The following TMEM132D variants were observed in gnomAD, a reference collection of about 807,000 sequenced individuals.
TMEM132D encodes the protein transmembrane protein 132D.
In TMEM132D, 21 loss-of-function variants were observed where a neutral mutation model predicts 62.3. The ratio of observed to expected loss-of-function variants is 0.34; its 90% CI spans 0.24 to 0.49. The LOEUF (loss-of-function observed/expected upper bound fraction) is 0.49. Among genes scored for constraint, TMEM132D ranks in the 20% least tolerant of loss-of-function variants. The pLI, the probability that TMEM132D is intolerant of heterozygous loss-of-function variation, is 0.99. For synonymous variants in TMEM132D, 621 were observed against 575.6 expected (o/e 1.08, Z -1.13); for missense variants, 1,346 against 1,402.8 (o/e 0.96, Z 0.65).
chr12:129,132,324 C>A lies in TMEM132D; in HGVS notation c.1444-47622G>T, dbSNP rs74405647. ...ACAAGAATATGGTCCTTAGGCCTTGCAGAATATTTAAATTATGAGCAATCA... is the reference window on the plus strand; with the variant it reads ...ACAAGAATATGGTCCTTAGGCCTTGAAGAATATTTAAATTATGAGCAATCA... On this transcript the variant is annotated intron_variant, in intron 5 of 8. Transcript: ENST00000422113. Among the ~76,000 whole-genome samples the A allele has an allele frequency of 4.9e-3, 752 of 152,184 alleles. 5 individuals carry two copies. Among genetic ancestry groups the A allele is most frequent in the African/African-American group, 0.017 (717 of 41,520 alleles).
intron 3 of TMEM132D, among the ~76,000 whole-genome samples, chr12:129,407,933 T>G (rs1299909616): frequency 6.6e-6 from 1 of 150,746 alleles, no homozygotes; most frequent in Non-Finnish European, 1.5e-5. Context: ...TGACCACAGA[T>G]GGACAGTGGT....
chr12:129,345,912 G>A (rs1045351042), intron 3 of TMEM132D, among the ~76,000 whole-genome samples: 2 of 151,928 alleles, frequency 1.3e-5, no homozygotes, highest in African/African-American at 2.4e-5. Flanking sequence ...TTTTTATTGC[G>A]TCTCTGCCAG....
At chr12:129,552,777 C>T (rs181429143) in intron 2 of TMEM132D, among the ~76,000 whole-genome samples, 1 of 152,308 alleles carries the variant, frequency 6.6e-6, no homozygotes, top group Admixed American at 6.5e-5. Flanking sequence ...ATCTATCTAG[C>T]TACGTACCTA....
intron 2 of TMEM132D, among the ~76,000 whole-genome samples, chr12:129,652,087 T>G (rs894177748): frequency 6.6e-6 from 1 of 152,192 alleles, no homozygotes; most frequent in African/African-American, 2.4e-5. Context: ...AAGAGGCATG[T>G]ATAATCTCCA....
chr12:129,850,600 G>GCATTCTTTTTCCCTGTGTATAT (rs1873508082), intron 1 of TMEM132D, among the ~76,000 whole-genome samples: 1 of 152,126 alleles, frequency 6.6e-6, no homozygotes. Context: ...CAGGGGTCTA[G>GCATTCTTTTTCCCTGTGTATAT]GTATGGACAG....
chr12:129,774,087 G>C (rs74745322), intron 1 of TMEM132D, among the ~76,000 whole-genome samples: 7,139 of 152,234 alleles, frequency 0.047, 556 homozygotes, highest in African/African-American at 0.16. Context: ...GTCACACACA[G>C]AAATGTAAAA....
intron 4 of TMEM132D, among the ~76,000 whole-genome samples, chr12:129,314,271 C>G (rs1160895976): frequency 6.6e-6 from 1 of 152,184 alleles, no homozygotes; most frequent in Non-Finnish European, 1.5e-5. Flanking sequence ...AGTCCTTAAT[C>G]CATCCTGAGT....
At chr12:129,644,059 T>C (rs977453764) in intron 2 of TMEM132D, among the ~76,000 whole-genome samples, 11 of 152,132 alleles carry the variant, frequency 7.2e-5, no homozygotes, top group Non-Finnish European at 1.5e-4. Context: ...TTCACCATGT[T>C]GGCCAGGATG....
chr12:129,274,209 G>T (rs2135603109), intron 4 of TMEM132D, among the ~76,000 whole-genome samples: 1 of 151,954 alleles, frequency 6.6e-6, no homozygotes, highest in African/African-American at 2.4e-5. Context: ...ATCCAACAAG[G>T]GCAGTCTTTC....
intron 4 of TMEM132D, among the ~76,000 whole-genome samples, chr12:129,238,083 T>G (rs10847807): frequency 0.78 from 118,175 of 152,018 alleles, 46,003 homozygotes; most frequent in Admixed American, 0.8. Flanking sequence ...ACCATCCCCA[T>G]ATCAAATCTG....
At chr12:129,226,352 T>C (rs111452205) in intron 4 of TMEM132D, among the ~76,000 whole-genome samples, 5 of 152,364 alleles carry the variant, frequency 3.3e-5, no homozygotes, top group African/African-American at 1.2e-4. Context: ...TCTCTTCTCA[T>C]GCACACCTAC....
intron 3 of TMEM132D, among the ~76,000 whole-genome samples, chr12:129,519,793 C>G (rs1262813939): frequency 1.3e-5 from 2 of 151,796 alleles, no homozygotes; most frequent in African/African-American, 2.4e-5. Flanking sequence ...ATTTTTAGTA[C>G]AGACAGGGTT....
chr12:129,474,224 A>G (rs1221486591), intron 3 of TMEM132D, among the ~76,000 whole-genome samples: 1 of 152,176 alleles, frequency 6.6e-6, no homozygotes, highest in Admixed American at 6.5e-5. Context: ...AACCACAGTA[A>G]TATTTTTACT....
At chr12:129,300,546 G>A (rs1240740430) in intron 4 of TMEM132D, among the ~76,000 whole-genome samples, 2 of 152,164 alleles carry the variant, frequency 1.3e-5, no homozygotes, top group African/African-American at 2.4e-5. Flanking sequence ...CGTTTTGGGA[G>A]GGTAGCAGTA....
At chr12:129,532,842 G>T (rs1876267339) in intron 2 of TMEM132D, among the ~76,000 whole-genome samples, 1 of 152,350 alleles carries the variant, frequency 6.6e-6, no homozygotes, top group African/African-American at 2.4e-5. Flanking sequence ...ATATGCTGGA[G>T]GAATTGGAGG....
At chr12:129,095,076 A>T (rs1875057707) in intron 5 of TMEM132D, among the ~76,000 whole-genome samples, 2 of 152,020 alleles carry the variant, frequency 1.3e-5, no homozygotes, top group African/African-American at 2.4e-5. Context: ...AGATATATCT[A>T]ATGCTAAATG....
At chr12:129,619,835 A>C (rs1304113351) in intron 2 of TMEM132D, among the ~76,000 whole-genome samples, 1 of 152,224 alleles carries the variant, frequency 6.6e-6, no homozygotes, top group Non-Finnish European at 1.5e-5. Context: ...ATATCATCAG[A>C]AATAGTTTAA....
At chr12:129,631,608 G>A (rs904772818) in intron 2 of TMEM132D, among the ~76,000 whole-genome samples, 1 of 152,210 alleles carries the variant, frequency 6.6e-6, no homozygotes, top group African/African-American at 2.4e-5. Flanking sequence ...GAAGAAATGG[G>A]ATGGAGAGAG....
chr12:129,424,230 A>T (rs1872413268), intron 3 of TMEM132D, among the ~76,000 whole-genome samples: 1 of 151,982 alleles, frequency 6.6e-6, no homozygotes, highest in South Asian at 2.1e-4. Context: ...TATGACAAAT[A>T]TCGCATGAGC....
Sources: allele counts gnomAD v4.1 joint callset (sites outside exome capture counted in the v4.1 genomes callset), GRCh38; gene constraint gnomAD v4.1.1; transcripts MANE v1.5; gene names NCBI Gene and HGNC (gene_info 2026-07-23, HGNC 2026-07-21).